Variants in BBS4 observed in about 807,000 individuals in gnomAD.
BBS4 encodes BBSome complex member BBS4.
In BBS4, 58 loss-of-function variants were observed where a neutral mutation model predicts 71.4. The ratio of observed to expected loss-of-function variants is 0.81; its 90% CI spans 0.66 to 1.01. BBS4 has a LOEUF of 1.01. BBS4 is among the 50% of genes least tolerant of loss of function. The probability of loss-of-function intolerance (pLI) is 0.00; values close to 1 mark genes in which losing one functional copy is unlikely to be tolerated. For missense variants in BBS4, 660 were observed against 607.9 expected, an observed-to-expected ratio of 1.09 and a Z score of -0.90; for synonymous variants, 228 against 216.8, an observed-to-expected ratio of 1.05 and a Z score of -0.46.
intron 8 of BBS4, among the ~76,000 whole-genome samples, chr15:72,727,219 A>G (rs906530903): frequency 2.0e-5 from 3 of 152,200 alleles, no homozygotes; most frequent in Non-Finnish European, 2.9e-5. Context: ...AGCAGAAGAC[A>G]TTGTTCATAG....
chr15:72,721,140 T>C (rs1397897991), intron 6 of BBS4, among the ~76,000 whole-genome samples: 1 of 152,180 alleles, frequency 6.6e-6, no homozygotes, highest in Non-Finnish European at 1.5e-5. Context: ...TGTTCTATAA[T>C]ATGGACATGA....
intron 1 of BBS4, 90 bp from the exon 2 acceptor site, chr15:72,695,087 G>A (rs147669779): frequency 0.016 from 13,812 of 866,856 alleles, 187 homozygotes; most frequent in Non-Finnish European, 0.019. Flanking sequence ...TAATTGGTGA[G>A]CTACTGATTA....
chr15:72,720,506 A>G (rs1435398664), intron 6 of BBS4, among the ~76,000 whole-genome samples: 1 of 149,976 alleles, frequency 6.7e-6, no homozygotes, highest in Non-Finnish European at 1.5e-5. Context: ...AAAAAAAAAG[A>G]AACAACCTTG....
intron 1 of BBS4, among the ~76,000 whole-genome samples, chr15:72,691,313 TGTC>T: frequency 6.6e-6 from 1 of 152,176 alleles, no homozygotes; most frequent in East Asian, 1.9e-4. Flanking sequence ...GTGCTTAAAA[TGTC>T]GTATGTGTGC....
intron 12 of BBS4, among the ~76,000 whole-genome samples, chr15:72,733,078 G>C (rs2065855592): frequency 6.6e-6 from 1 of 152,156 alleles, no homozygotes; most frequent in Non-Finnish European, 1.5e-5. Context: ...TACTCTTGTA[G>C]GGGTTATATC....
At chr15:72,735,568 T>C in intron 13 of BBS4, 4 of 558,050 alleles carry the variant, frequency 7.2e-6, no homozygotes, top group Middle Eastern at 5.0e-4. Context: ...TAGAGATCCC[T>C]TTTTCAACCC....
rs71137313 is a variant in BBS4, at chr15:72,729,161, CTTTTTTTTTT to C, written c.643-439_643-430del. Among the ~76,000 whole-genome samples, 23 of 70,034 alleles carry C rather than the reference CTTTTTTTTTT, an allele frequency of 3.3e-4. No homozygotes were observed. In the South Asian group the frequency reaches 9.5e-3, roughly 29 times the overall value. 45.9% of individuals were successfully genotyped at this position (70,034 alleles called of 152,430 possible). ...CTTTATTATCTGGTAACTGTAGCTG[CTTTTTTTTTT>C]TTTTTTTTTTTTTTTAAAGTCAAGA... On this transcript the variant is annotated intron_variant, in intron 9 of 15. Transcript: ENST00000268057.
At chr15:72,723,702 A>T (rs1240925708) in intron 7 of BBS4, among the ~76,000 whole-genome samples, 1 of 152,212 alleles carries the variant, frequency 6.6e-6, no homozygotes, top group African/African-American at 2.4e-5. Flanking sequence ...CTGAGATAAC[A>T]ATATATATAC....
chr15:72,736,992 C>A, intron 15 of BBS4, 29 bp downstream of exon 15: 2 of 1,609,548 alleles, frequency 1.2e-6, no homozygotes, highest in Non-Finnish European at 1.7e-6. Flanking sequence ...CCATGAAGAC[C>A]TGGCAGGTAC....
intron 2 of BBS4, among the ~76,000 whole-genome samples, chr15:72,700,684 C>G (rs935664196): frequency 6.6e-6 from 1 of 151,924 alleles, no homozygotes; most frequent in African/African-American, 2.4e-5. Context: ...CGTCCTTTGT[C>G]TGTTATATAT....
intron 6 of BBS4, chr15:72,717,187 T>TC (rs2065481895): frequency 3.5e-6 from 1 of 282,688 alleles, no homozygotes; most frequent in Non-Finnish European, 6.7e-6. Context: ...CTTTTTCCCG[T>TC]CCCCATCTGT....
chr15:72,709,697 TA>T lies in BBS4; in HGVS notation c.77-2del. On this transcript the variant is annotated splice_acceptor_variant, in intron 2 of 15. Coordinates refer to ENST00000268057, the MANE Select transcript of BBS4 (RefSeq NM_033028.5). LOFTEE classifies it high-confidence loss of function. ...GTTTGTTTTGTCAAAATATGCTGCC[TA>T]GCTCCAGAGTTTCCTATTTTGGAGA... The T allele has an allele frequency of 6.2e-7, 1 of 1,607,566 alleles. No individual in the cohort carries two copies. The highest frequency in any genetic ancestry group is 8.5e-7 in the Non-Finnish European group (1 of 1,174,128).
intron 3 of BBS4, 117 bp from the exon 4 acceptor site, chr15:72,712,127 A>T (rs534504304): frequency 1.1e-6 from 1 of 871,210 alleles, no homozygotes; most frequent in Admixed American, 2.0e-5. Context: ...TTGGTCTCCC[A>T]AAGTTTTGGG....
chr15:72,724,875 C>G (rs955411400), intron 8 of BBS4, among the ~76,000 whole-genome samples: 5 of 152,074 alleles, frequency 3.3e-5, no homozygotes, highest in African/African-American at 9.7e-5. Context: ...CTGGGCAGCT[C>G]TATTCTACAA....
chr15:72,720,408 G>A (rs1429962822), intron 6 of BBS4, among the ~76,000 whole-genome samples: 3 of 151,680 alleles, frequency 2.0e-5, no homozygotes, highest in East Asian at 1.9e-4. Context: ...TAGCCCAGGA[G>A]GTTGAGGCTG....
chr15:72,701,333 T>C (rs969692970), intron 2 of BBS4, among the ~76,000 whole-genome samples: 1 of 152,206 alleles, frequency 6.6e-6, no homozygotes, highest in African/African-American at 2.4e-5. Flanking sequence ...ATATATTCCA[T>C]TGTGGGGCTC....
At chr15:72,712,620 A>G (rs942563139) in intron 4 of BBS4, among the ~76,000 whole-genome samples, 3 of 152,220 alleles carry the variant, frequency 2.0e-5, no homozygotes, top group Non-Finnish European at 4.4e-5. Context: ...TGGTAAGTGT[A>G]TCTAAACATA....
chr15:72,733,398 G>T (rs1382998374), intron 12 of BBS4, among the ~76,000 whole-genome samples: 1 of 152,008 alleles, frequency 6.6e-6, no homozygotes, highest in Non-Finnish European at 1.5e-5. Context: ...CATCACCCAG[G>T]TACTAAGCCT....
chr15:72,689,915 A>G (rs1025794812), intron 1 of BBS4, among the ~76,000 whole-genome samples: 24 of 152,078 alleles, frequency 1.6e-4, no homozygotes, highest in African/African-American at 5.8e-4. Context: ...GGTTCACGCC[A>G]TTCTCCAGCC....
Sources: gnomAD v4.1 joint callset for allele counts (sites outside exome capture counted in the v4.1 genomes callset) on GRCh38, gnomAD v4.1.1 for gene constraint, MANE v1.5 for transcripts, NCBI Gene and HGNC (gene_info 2026-07-23, HGNC 2026-07-21) for gene names.